ZMYND11: variants seen among roughly 807,000 people sequenced by gnomAD.
The protein encoded by ZMYND11 is zinc finger MYND domain-containing protein 11.
In ZMYND11, 9 loss-of-function variants were observed where a neutral mutation model predicts 84.9. The ratio of observed to expected loss-of-function variants is 0.11; its 90% CI spans 0.06 to 0.18. The LOEUF is 0.18. Ranked by LOEUF, ZMYND11 falls within the 10% of genes least tolerant of loss-of-function variation. The pLI is 1.00. For synonymous variants in ZMYND11, 250 were observed against 244.1 expected, an observed-to-expected ratio of 1.02 and a Z score of -0.23; for missense variants, 409 against 761.0, an observed-to-expected ratio of 0.54 and a Z score of 5.44.
At chr10:168,984 A>C (rs1554764781) in intron 1 of ZMYND11, among the ~76,000 whole-genome samples, 1 of 152,126 alleles carries the variant, frequency 6.6e-6, no homozygotes, top group African/African-American at 2.4e-5. Context: ...CTCACAGTGA[A>C]TATTGAAGAA....
chr10:154,035 T>G lies in ZMYND11; in HGVS notation c.-20+18476T>G, dbSNP rs1564278632. Among the ~76,000 whole-genome samples, 8 of 152,154 alleles carry G rather than the reference T, an allele frequency of 5.3e-5. 1 individual carries two copies. In the South Asian group the frequency reaches 1.4e-3, roughly 28 times the overall value. ...CCATGAATTTCTTTGGCTTTCAGCTTCACAACATTGCTGTTCACCACACTT... is the reference window on the plus strand; with the variant it reads ...CCATGAATTTCTTTGGCTTTCAGCTGCACAACATTGCTGTTCACCACACTT... On this transcript the variant is annotated intron_variant, in intron 1 of 14. Coordinates refer to ENST00000381604, the MANE Select transcript of ZMYND11 (RefSeq NM_001370100.5).
At chr10:251,953 A>T (rs1219211266) in intron 14 of ZMYND11, among the ~76,000 whole-genome samples, 1 of 152,202 alleles carries the variant, frequency 6.6e-6, no homozygotes, top group Non-Finnish European at 1.5e-5. Context: ...ACTGCAGCGT[A>T]TGTTAACGAC....
chr10:252,627 T>C lies in ZMYND11; in HGVS notation c.*157T>C, dbSNP rs1000505099. 1.5e-5 allele frequency: 15 copies of C among 991,908 alleles called. No homozygotes were observed. In the Admixed American group the frequency reaches 3.2e-4, roughly 21 times the overall value. 61.4% of individuals were successfully genotyped at this position (991,908 alleles called of 1,614,324 possible). Reference sequence around the variant, plus strand: ...ATTTTGCACAGTAGTTTAAATCTTTTGTTAATGCTCCTCCGAAGTTTTTCA... The same window carrying C: ...ATTTTGCACAGTAGTTTAAATCTTTCGTTAATGCTCCTCCGAAGTTTTTCA... On this transcript the variant is annotated 3_prime_UTR_variant, in exon 15 of 15. Coordinates refer to ENST00000381604, the MANE Select transcript of ZMYND11 (RefSeq NM_001370100.5). The surrounding 1 kb of genome is among the most constrained non-coding windows in gnomAD (Gnocchi z 4.6).
chr10:215,205 C>G (rs2496276), intron 3 of ZMYND11, among the ~76,000 whole-genome samples: 15,683 of 152,044 alleles, frequency 0.1, 964 homozygotes, highest in African/African-American at 0.18. Flanking sequence ...AAAAAGTGAT[C>G]TTTGCTGTAA....
At chr10:217,283 T>G (rs1437330792) in intron 3 of ZMYND11, among the ~76,000 whole-genome samples, 1 of 152,172 alleles carries the variant, frequency 6.6e-6, no homozygotes, top group Non-Finnish European at 1.5e-5. Context: ...CCTGTAATCC[T>G]AGCACTTTGG....
intron 1 of ZMYND11, chr10:148,115 A>G (rs534295952): frequency 6.6e-6 from 1 of 152,466 alleles, no homozygotes; most frequent in Admixed American, 6.5e-5. Flanking sequence ...TCAGGTGATT[A>G]TTGGTATTCC....
chr10:206,944 C>T (rs1380777808), intron 2 of ZMYND11, among the ~76,000 whole-genome samples: 1 of 152,042 alleles, frequency 6.6e-6, no homozygotes, highest in East Asian at 1.9e-4. Flanking sequence ...CCCATTAACT[C>T]ATCATTTAGC....
intron 10 of ZMYND11, among the ~76,000 whole-genome samples, chr10:243,818 C>T (rs1258650651): frequency 6.6e-6 from 1 of 152,110 alleles, no homozygotes; most frequent in East Asian, 1.9e-4. Context: ...TGAGCAGAGA[C>T]TGTGCCACTT....
At chr10:155,677 AT>A in intron 1 of ZMYND11, among the ~76,000 whole-genome samples, 1 of 152,332 alleles carries the variant, frequency 6.6e-6, no homozygotes, top group East Asian at 1.9e-4. Context: ...ACATGGTATG[AT>A]TTTTGCACTT....
intron 10 of ZMYND11, 105 bp downstream of exon 10, chr10:242,244 G>GA (rs34123561): frequency 0.017 from 21,535 of 1,283,934 alleles, 53 homozygotes; most frequent in Admixed American, 0.069. Context: ...TTTTAAATTG[G>GA]AAAAAAAAAA....
At chr10:158,586 T>A (rs1159629901) in intron 1 of ZMYND11, among the ~76,000 whole-genome samples, 3 of 149,626 alleles carry the variant, frequency 2.0e-5, no homozygotes, top group Admixed American at 6.6e-5. Flanking sequence ...CCAGCTAATT[T>A]TTTTTTTTTT....
intron 9 of ZMYND11, 124 bp from the exon 10 acceptor site, chr10:241,897 T>TTTAGGAGTTATGAAAG (rs1951029100): frequency 4.1e-6 from 5 of 1,229,080 alleles, no homozygotes; most frequent in Non-Finnish European, 5.7e-6. Context: ...CTCGTATGTG[T>TTTAGGAGTTATGAAAG]TTAGGAGTTA....
At chr10:223,195 A>C (rs979987320) in intron 4 of ZMYND11, among the ~76,000 whole-genome samples, 1 of 151,860 alleles carries the variant, frequency 6.6e-6, no homozygotes, top group Non-Finnish European at 1.5e-5. Context: ...ACACCTGGCT[A>C]ATTTTTGTAT....
chr10:236,286 T>C (rs1372085252), intron 4 of ZMYND11, among the ~76,000 whole-genome samples: 1 of 152,242 alleles, frequency 6.6e-6, no homozygotes, highest in Non-Finnish European at 1.5e-5. Flanking sequence ...GTGCAATAAA[T>C]TGAGGAACCT....
chr10:186,990 G>C (rs1344405477), intron 2 of ZMYND11, among the ~76,000 whole-genome samples: 1 of 152,120 alleles, frequency 6.6e-6, no homozygotes, highest in East Asian at 1.9e-4. Flanking sequence ...CATTTTTGGA[G>C]GCTGAGATTG....
intron 1 of ZMYND11, among the ~76,000 whole-genome samples, chr10:167,237 A>T (rs1258255687): frequency 6.6e-6 from 1 of 152,152 alleles, no homozygotes; most frequent in Non-Finnish European, 1.5e-5. Context: ...AAGATGGCAA[A>T]TTCTATATTA....
chr10:236,807 G>C (rs1286995663), intron 4 of ZMYND11, 31 bp from the exon 5 acceptor site: 2 of 1,567,622 alleles, frequency 1.3e-6, no homozygotes, highest in Non-Finnish European at 1.8e-6. Context: ...ATCAGATTTT[G>C]TACCTTTTTT....
In ZMYND11 at chr10:193,205, T is replaced by G. The variant is rs534884874; in HGVS notation, c.116+13077T>G. Among the ~76,000 whole-genome samples the G allele has an allele frequency of 3.3e-5, 5 of 152,212 alleles. No individual in the cohort carries two copies. In the South Asian group the frequency reaches 1.0e-3, roughly 31 times the overall value. On this transcript the variant is annotated intron_variant, in intron 2 of 14. Transcript: ENST00000381604. ...GGTCTGCAATCCATCTGTAGTTCCC[T>G]TTTTATGTGGTAGGTAAGGATCTAC...
intron 14 of ZMYND11, among the ~76,000 whole-genome samples, chr10:251,093 C>T (rs969214811): frequency 2.6e-5 from 4 of 152,150 alleles, no homozygotes; most frequent in African/African-American, 9.7e-5. Context: ...TATTATAGGA[C>T]AGAAAGCATG....
Sources: gnomAD v4.1 joint callset for allele counts (sites outside exome capture counted in the v4.1 genomes callset) on GRCh38, gnomAD v4.1.1 for gene constraint, Gnocchi (gnomAD v3.1) non-coding constraint, MANE v1.5 for transcripts, NCBI Gene and HGNC (gene_info 2026-07-23, HGNC 2026-07-21) for gene names.